The following LYZL4 variants were observed in gnomAD, a reference collection of about 807,000 sequenced individuals.
LYZL4 encodes the protein lysozyme-like protein 4.
A neutral mutation model predicts 17.6 loss-of-function variants in LYZL4; 13 were observed. The ratio of observed to expected loss-of-function variants is 0.74; its 90% CI spans 0.48 to 1.18. The LOEUF is 1.18. LYZL4 is among the 50% of genes most tolerant of loss of function. The pLI is 0.00. For missense variants in LYZL4, 174 were observed against 188.2 expected (o/e 0.92, Z 0.44); for synonymous variants, 64 against 67.7 (o/e 0.95, Z 0.27).
chr3:42,403,364 A>G (rs1037703336), intron 4 of LYZL4, among the ~76,000 whole-genome samples: 1 of 151,878 alleles, frequency 6.6e-6, no homozygotes, highest in East Asian at 1.9e-4. Flanking sequence ...TGTTCAAGCG[A>G]TTCTCCTGTC....
At chr3:42,397,648 G>A (rs542255409) in intron 4 of LYZL4, among the ~76,000 whole-genome samples, 4 of 152,092 alleles carry the variant, frequency 2.6e-5, no homozygotes, top group African/African-American at 9.6e-5. Context: ...TGCAACGGAG[G>A]TATCATTTGC....
chr3:42,407,176 T>C lies in LYZL4; in HGVS notation c.76A>G (p.Thr26Ala), dbSNP rs1472030287. The change falls in exon 2 of 5, where the codon ACA becomes GCA. Residue 26 changes from threonine (T) to alanine (A), a missense_variant. Coordinates refer to ENST00000287748, the MANE Select transcript of LYZL4 (RefSeq NM_144634.4). ...CCATCGTGGAGTTTCTTAGCCACTG[T>C]GCAACGCCCCAAGATGTAAGCACCA... ...PSGAYILGRCTVAKKLHDGGL... is the reference protein window; with the variant it reads ...PSGAYILGRCAVAKKLHDGGL... 2.5e-6 allele frequency: 4 copies of C among 1,614,188 alleles called. No individual in the cohort carries two copies. The highest frequency in any genetic ancestry group is 3.3e-4 in the Middle Eastern group (2 of 6,062).
chr3:42,384,312 G>A, the LYZL4 span, among the ~76,000 whole-genome samples: 1 of 152,112 alleles, frequency 6.6e-6, no homozygotes. Context: ...GAAAGCTTGT[G>A]GAGGGCGAAT....
chr3:42,363,491 A>G, the LYZL4 span, among the ~76,000 whole-genome samples: 2 of 152,342 alleles, frequency 1.3e-5, no homozygotes, highest in South Asian at 2.1e-4. Context: ...AGACAGTGTT[A>G]ACAATTGTTC....
the LYZL4 span, among the ~76,000 whole-genome samples, chr3:42,361,682 A>T: frequency 6.6e-6 from 1 of 152,034 alleles, no homozygotes; most frequent in Non-Finnish European, 1.5e-5. Flanking sequence ...GTGAGCTGTG[A>T]TCACGCCACT....
the LYZL4 span, among the ~76,000 whole-genome samples, chr3:42,369,583 C>T: frequency 5.3e-5 from 8 of 152,162 alleles, no homozygotes; most frequent in Admixed American, 1.3e-4. Context: ...AGGATGCAGT[C>T]GCCAAGCTGT....
chr3:42,378,350 C>A, the LYZL4 span, among the ~76,000 whole-genome samples: 2 of 152,304 alleles, frequency 1.3e-5, no homozygotes, highest in African/African-American at 4.8e-5. Context: ...GGGTTGACAG[C>A]AAGAATTTCC....
intron 1 of LYZL4, among the ~76,000 whole-genome samples, chr3:42,408,106 A>C (rs1698793380): frequency 1.3e-5 from 2 of 152,122 alleles, no homozygotes; most frequent in African/African-American, 4.8e-5. Context: ...GTCATAGCCC[A>C]GCCTTCTCAT....
chr3:42,374,806 C>T, the LYZL4 span, among the ~76,000 whole-genome samples: 1 of 152,090 alleles, frequency 6.6e-6, no homozygotes, highest in South Asian at 2.1e-4. Context: ...TCCTTTCTGG[C>T]ATTCATAGTA....
the LYZL4 span, among the ~76,000 whole-genome samples, chr3:42,387,124 T>C: frequency 6.6e-6 from 1 of 152,196 alleles, no homozygotes; most frequent in South Asian, 2.1e-4. Flanking sequence ...ACAATAATAA[T>C]AATAACAACA....
At chr3:42,387,116 A>G in the LYZL4 span, among the ~76,000 whole-genome samples, 4 of 152,288 alleles carry the variant, frequency 2.6e-5, no homozygotes, top group African/African-American at 9.6e-5. Flanking sequence ...ACCTGAGGAC[A>G]ATAATAATAA....
At chr3:42,379,003 T>C in the LYZL4 span, among the ~76,000 whole-genome samples, 5 of 152,112 alleles carry the variant, frequency 3.3e-5, no homozygotes, top group Admixed American at 6.5e-5. Context: ...GCTCTTCTGC[T>C]TGTGAGCAAC....
the LYZL4 span, among the ~76,000 whole-genome samples, chr3:42,379,918 G>A: frequency 6.6e-6 from 1 of 152,192 alleles, no homozygotes; most frequent in Admixed American, 6.5e-5. Context: ...AAAAGGGAAG[G>A]AAACACAGGA....
the LYZL4 span, among the ~76,000 whole-genome samples, chr3:42,368,655 C>T: frequency 3.3e-5 from 5 of 151,884 alleles, no homozygotes; most frequent in Middle Eastern, 3.2e-3. Flanking sequence ...ATAAGGGCAC[C>T]GTATTGCTCA....
At chr3:42,401,431 G>C (rs949773547) in intron 4 of LYZL4, among the ~76,000 whole-genome samples, 3 of 152,010 alleles carry the variant, frequency 2.0e-5, no homozygotes, top group Non-Finnish European at 4.4e-5. Context: ...GGCTAGGCTG[G>C]TCTTGAACTC....
the LYZL4 span, among the ~76,000 whole-genome samples, chr3:42,366,883 G>T: frequency 1.3e-5 from 2 of 152,218 alleles, no homozygotes; most frequent in Non-Finnish European, 2.9e-5. Flanking sequence ...ACCCACACTG[G>T]TGTCTGTGTC....
the LYZL4 span, among the ~76,000 whole-genome samples, chr3:42,362,554 T>C: frequency 2.6e-5 from 4 of 152,208 alleles, no homozygotes; most frequent in Non-Finnish European, 5.9e-5. Context: ...TTCTGTTTCA[T>C]AGATGGAACC....
the LYZL4 span, among the ~76,000 whole-genome samples, chr3:42,375,298 G>A: frequency 2.6e-5 from 4 of 152,124 alleles, no homozygotes; most frequent in African/African-American, 9.7e-5. Context: ...TCTAACCGTT[G>A]TTATTGTGAC....
At chr3:42,407,422 C>T in intron 1 of LYZL4, 79 bp from the exon 2 acceptor site, 1 of 790,054 alleles carries the variant, frequency 1.3e-6, no homozygotes, top group East Asian at 2.7e-5. Context: ...GACACTTCTT[C>T]CCATCCTAAT....
Sources: allele counts gnomAD v4.1 joint callset (sites outside exome capture counted in the v4.1 genomes callset), GRCh38; gene constraint gnomAD v4.1.1; transcripts MANE v1.5; gene names NCBI Gene and HGNC (gene_info 2026-07-23, HGNC 2026-07-21).